RASAL1: variants seen among roughly 807,000 people sequenced by gnomAD.
RASAL1 encodes rasGAP-activating-like protein 1.
Under a neutral mutation model 96.6 loss-of-function variants are expected in RASAL1, and 72 were observed. The observed-to-expected ratio is 0.75, with a 90% CI of 0.62 to 0.91. The LOEUF is 0.91. Ranked by LOEUF, RASAL1 falls within the 40% of genes least tolerant of loss-of-function variation. The pLI, the probability that RASAL1 is intolerant of heterozygous loss-of-function variation, is 0.00. For missense variants in RASAL1, 1,016 were observed against 1,072.5 expected, an observed-to-expected ratio of 0.95 and a Z score of 0.74; for synonymous variants, 405 against 430.4, an observed-to-expected ratio of 0.94 and a Z score of 0.73.
chr12:113,118,092 T>C (rs866396277), intron 7 of RASAL1, among the ~76,000 whole-genome samples: 4 of 152,226 alleles, frequency 2.6e-5, no homozygotes, highest in African/African-American at 9.6e-5. Flanking sequence ...GATGTAGTGG[T>C]GTTCACCTGT....
At chr12:113,104,134 C>T (rs772214936) in intron 17 of RASAL1, 27 bp downstream of exon 17, 1 of 1,593,722 alleles carries the variant, frequency 6.3e-7, no homozygotes, top group Non-Finnish European at 8.6e-7. Context: ...GGGACGCCCC[C>T]CGCTCCCCAT....
chr12:113,111,732 T>G (rs1263790078), intron 13 of RASAL1, among the ~76,000 whole-genome samples: 4 of 152,146 alleles, frequency 2.6e-5, no homozygotes, highest in Non-Finnish European at 1.5e-5. Flanking sequence ...TAGCTGGGAT[T>G]ACAGGTGTGA....
intron 18 of RASAL1, 79 bp from the exon 19 acceptor site, chr12:113,102,088 G>T (rs147755661): frequency 6.5e-7 from 1 of 1,528,776 alleles, no homozygotes; most frequent in Non-Finnish European, 8.9e-7. Context: ...TCGCCAAGCC[G>T]TGCTCCTTCT....
chr12:113,105,662 C>T, intron 16 of RASAL1, 52 bp downstream of exon 16: 1 of 1,518,218 alleles, frequency 6.6e-7, no homozygotes, highest in Admixed American at 2.1e-5. Context: ...AGAGGCAGCA[C>T]ACTGAAAAAG....
At position 113,101,961 on chromosome 12, in the gene RASAL1, C is replaced by T. The variant is rs768938790; in HGVS notation, c.2153G>A (p.Ser718Asn). 6.2e-7 allele frequency: 1 copy of T among 1,614,052 alleles called. No individual in the cohort carries two copies. The highest frequency in any genetic ancestry group is 8.5e-7 in the Non-Finnish European group (1 of 1,180,036). The change falls in exon 19 of 21, where the codon AGT becomes AAT. Residue 718 changes from serine to asparagine, a missense_variant. Ser to Asn is a conservative substitution (Grantham distance 46). Transcript: ENST00000548055. ...CTCAGCATCAGGATCCAGTGGGTCA[C>T]TCCAGTCCCCCAGGGTGACAGCTGA... ...THSAVTLGDW[S>N]DPLDPDAEAQ...
intron 16 of RASAL1, 24 bp from the exon 17 acceptor site, chr12:113,104,322 A>C: frequency 6.6e-7 from 1 of 1,521,414 alleles, no homozygotes; most frequent in Non-Finnish European, 8.9e-7. Flanking sequence ...TTGTCGCTGC[A>C]GGATGGGCTG....
rs778040742 is a variant in RASAL1, at chr12:113,115,753, C to T, written c.885G>A (p.Glu295=). 3 of 1,614,184 alleles carry T rather than the reference C, an allele frequency of 1.9e-6. No individual in the cohort carries two copies. Among genetic ancestry groups the T allele is most frequent in the East Asian group, 2.2e-5 (1 of 44,886 alleles). ...DTASPLALLE[E]LTLGDCRQDL... is the part of the protein sequence containing the mutation. ...CCTGGCGGCAGTCCCCCAAGGTCAG[C>T]TCTTCCAGCAAAGCCAAGGGGCTAG... Residue 295 remains glutamate, a synonymous_variant, in exon 10 of 21, where the codon GAG becomes GAA. Transcript: ENST00000548055. This position sits in a 1 kb window ranked among gnomAD's most constrained non-coding sequence, Gnocchi z 4.1.
chr12:113,112,828 T>C (rs1950919767), intron 12 of RASAL1, among the ~76,000 whole-genome samples: 1 of 152,142 alleles, frequency 6.6e-6, no homozygotes, highest in South Asian at 2.1e-4. Context: ...GGTGCACGCC[T>C]ATAATCTCAG....
intron 12 of RASAL1, among the ~76,000 whole-genome samples, chr12:113,112,614 G>T (rs556404317): frequency 3.9e-5 from 6 of 152,144 alleles, no homozygotes; most frequent in Admixed American, 2.0e-4. Context: ...AATATTGCAG[G>T]CCTCTCCCCT....
rs142478473 is a variant in RASAL1, at chr12:113,112,238, G to C, written c.1222C>G (p.Arg408Gly). 40 of 1,267,266 alleles carry C rather than the reference G, an allele frequency of 3.2e-5. No individual in the cohort carries two copies. The African/African-American group carries it at 5.5e-4, about 17-fold the overall frequency. The allele number at this position is 1,267,266 out of a possible 1,614,324, so 78.5% of individuals were successfully genotyped here. ...FKGALSEEQM[R>G]ETSLGLLTGY... ...GTCAGCAGCCCCAGGCTGGTCTCCC[G>C]CATCTGCTCCTCCGAGAGTGCGCCT... The change falls in exon 13 of 21, where the codon CGG becomes GGG. Residue 408 changes from arginine to glycine, a missense_variant. Physicochemically the swap from Arg to Gly is moderately radical, Grantham distance 125. Coordinates refer to ENST00000548055, the MANE Select transcript of RASAL1 (RefSeq NM_001301202.2).
rs1566071653 is a variant in RASAL1, at chr12:113,129,717, T to C, written c.122+1168A>G. 6.6e-6 allele frequency among the ~76,000 whole-genome samples: 1 copy of C among 151,804 alleles called. No individual in the cohort carries two copies. The highest frequency in any genetic ancestry group is 1.5e-5 in the Non-Finnish European group (1 of 67,948). ...AAGAAAGAGTGCACATATGCGCGCG[T>C]GCGCGCACACACACACACACACCCC... On this transcript the variant is annotated intron_variant, in intron 2 of 20. Transcript: ENST00000548055. The surrounding 1 kb of genome is among the most constrained non-coding windows in gnomAD (Gnocchi z 5.0).
Position 113,115,636 on chromosome 12 carries a change from G to A in RASAL1, c.1002C>T (p.Thr334=). 1 of 1,612,874 alleles carries A rather than the reference G, an allele frequency of 6.2e-7. No homozygotes were observed. The highest frequency in any genetic ancestry group is 8.5e-7 in the Non-Finnish European group (1 of 1,179,898). Residue 334 remains threonine (T), a splice_region_variant and synonymous_variant, in exon 10 of 21, where the codon ACC becomes ACT. Transcript: ENST00000548055. This position sits in a 1 kb window ranked among gnomAD's most constrained non-coding sequence, Gnocchi z 4.1. ...DYLTRREVAR[T]MDPNTLFRSN... is the part of the protein sequence containing the mutation. Reference sequence around the variant, plus strand: ...TCGGGGGTTGTGCGGGCAACTCACTGGTCCGAGCCACCTCACGCCGGGTGA... The same window carrying A: ...TCGGGGGTTGTGCGGGCAACTCACTAGTCCGAGCCACCTCACGCCGGGTGA...
intron 3 of RASAL1, 84 bp from the exon 4 acceptor site, chr12:113,127,957 TG>T: frequency 6.4e-7 from 1 of 1,569,536 alleles, no homozygotes; most frequent in Non-Finnish European, 8.7e-7. Context: ...TGTCAAGGTC[TG>T]GGTGGGAGGG....
chr12:113,126,688 TCACA>T (rs71455143), intron 4 of RASAL1, among the ~76,000 whole-genome samples: 4,161 of 138,900 alleles, frequency 0.03, 107 homozygotes, highest in African/African-American at 0.08. Flanking sequence ...TCTCTCTCTC[TCACA>T]CACACACACA....
At chr12:113,100,456 G>A (rs183022162) in intron 20 of RASAL1, among the ~76,000 whole-genome samples, 172 bp downstream of exon 20, 138 of 152,154 alleles carry the variant, frequency 9.1e-4, no homozygotes, top group Middle Eastern at 3.4e-3. Flanking sequence ...GCACCACCAC[G>A]CCCGGCTAAT....
At chr12:113,128,828 CAT>C (rs1409029534) in intron 2 of RASAL1, among the ~76,000 whole-genome samples, 1 of 152,116 alleles carries the variant, frequency 6.6e-6, no homozygotes, top group Non-Finnish European at 1.5e-5. Context: ...AAAACAGACA[CAT>C]ATGAAAACAT....
intron 7 of RASAL1, among the ~76,000 whole-genome samples, chr12:113,118,844 C>T (rs1178689060): frequency 6.6e-6 from 1 of 152,162 alleles, no homozygotes; most frequent in Non-Finnish European, 1.5e-5. Context: ...GAGGGACACT[C>T]AGCACAGGGC....
chr12:113,106,439 G>A (rs1950649146), intron 15 of RASAL1, among the ~76,000 whole-genome samples: 1 of 152,200 alleles, frequency 6.6e-6, no homozygotes. Flanking sequence ...CAAGGCCTAT[G>A]AGGCCCCACA....
upstream of RASAL1, chr12:113,135,786 C>T (rs1951893390): frequency 7.6e-6 from 2 of 263,974 alleles, no homozygotes; most frequent in Non-Finnish European, 1.5e-5. The surrounding 1 kb of genome is among the most constrained non-coding windows in gnomAD (Gnocchi z 5.7). Flanking sequence ...AGGGGCGGCC[C>T]AGGGACCTCC....
Sources: gnomAD v4.1 joint callset for allele counts (sites outside exome capture counted in the v4.1 genomes callset) on GRCh38, gnomAD v4.1.1 for gene constraint, Gnocchi (gnomAD v3.1) non-coding constraint, MANE v1.5 for transcripts, NCBI Gene and HGNC (gene_info 2026-07-23, HGNC 2026-07-21) for gene names.